Variants in GTPBP2 observed in about 807,000 individuals in gnomAD.
The protein encoded by GTPBP2 is GTP binding protein 2.
In GTPBP2, 32 loss-of-function variants were observed where a neutral mutation model predicts 63.0. The observed-to-expected ratio is 0.51, with a 90% CI of 0.38 to 0.68. The LOEUF is 0.68. GTPBP2 is among the 30% of genes least tolerant of loss of function. The pLI is 0.00. For missense variants in GTPBP2, 492 were observed against 796.9 expected (o/e 0.62, Z 4.61); for synonymous variants, 310 against 322.6 (o/e 0.96, Z 0.42).
intron 1 of GTPBP2, chr6:43,628,538 G>A (rs940468627): frequency 8.1e-6 from 8 of 981,660 alleles, no homozygotes; most frequent in Non-Finnish European, 9.7e-6. Flanking sequence ...CGAGTACTGT[G>A]TGTGTGTCCG....
chr6:43,630,922 A>AG (rs1315577863), upstream of GTPBP2, among the ~76,000 whole-genome samples: 4 of 151,462 alleles, frequency 2.6e-5, no homozygotes, highest in Admixed American at 1.3e-4. Context: ...AAAAAAAAAA[A>AG]AAAAAAAAAG....
In GTPBP2 at chr6:43,625,657, G is replaced by T; in HGVS notation, c.508-97C>A. 7.2e-7 allele frequency: 1 copy of T among 1,397,236 alleles called. No homozygotes were observed. Among genetic ancestry groups the T allele is most frequent in the Non-Finnish European group, 1.0e-6 (1 of 983,236 alleles). The allele number at this position is 1,397,236 out of a possible 1,614,324, so 86.6% of individuals were successfully genotyped here. On this transcript the variant is annotated intron_variant, in intron 4 of 11. Coordinates refer to ENST00000307126, the MANE Select transcript of GTPBP2 (RefSeq NM_019096.5). This position sits in a 1 kb window ranked among gnomAD's most constrained non-coding sequence, Gnocchi z 5.1. ...TGACGCTCCCTAGGGAGCAAGTGATGAACTGGAAGCCCCCAGGATCCCAGG... is the reference window on the plus strand; with the variant it reads ...TGACGCTCCCTAGGGAGCAAGTGATTAACTGGAAGCCCCCAGGATCCCAGG...
rs534118235 is a variant in GTPBP2 at position 43,622,848 on chromosome 6, C to T, written c.1296-44G>A. On this transcript the variant is annotated intron_variant, in intron 9 of 11. Coordinates refer to ENST00000307126, the MANE Select transcript of GTPBP2 (RefSeq NM_019096.5). This position sits in a 1 kb window ranked among gnomAD's most constrained non-coding sequence, Gnocchi z 5.4. ...GTGGCACAGTGTCAGCCAAGGTCCCCATACCTACTTCTCTATTAGGATCAC... is the reference window on the plus strand; with the variant it reads ...GTGGCACAGTGTCAGCCAAGGTCCCTATACCTACTTCTCTATTAGGATCAC... 2.5e-5 allele frequency: 37 copies of T among 1,463,738 alleles called. No individual in the cohort carries two copies. The African/African-American group carries it at 4.7e-4, about 19-fold the overall frequency. 90.7% of individuals were successfully genotyped at this position (1,463,738 alleles called of 1,614,324 possible). A position where few individuals can be genotyped will look rare whatever the true frequency, so the allele number is the denominator to read the frequency against.
intron 9 of GTPBP2, chr6:43,623,405 A>G (rs1481590191): frequency 2.4e-5 from 7 of 294,860 alleles, no homozygotes; most frequent in Non-Finnish European, 3.8e-5. Flanking sequence ...AAAGAAAGAA[A>G]GAAAGAAAGA....
In GTPBP2 at chr6:43,621,438, T is replaced by C. The variant is rs565385676; in HGVS notation, c.*176A>G. The C allele has an allele frequency of 6.1e-5, 95 of 1,545,896 alleles. No homozygotes were observed. In the African/African-American group the frequency reaches 1.2e-3, roughly 20 times the overall value. ...TGTCTTCTCCCTCAGGACTGCCCTTTCCTGGCCACACCAAGTTTGGCACCT... is the reference window on the plus strand; with the variant it reads ...TGTCTTCTCCCTCAGGACTGCCCTTCCCTGGCCACACCAAGTTTGGCACCT... On this transcript the variant is annotated 3_prime_UTR_variant, in exon 12 of 12. Transcript: ENST00000307126.
Position 43,626,216 on chromosome 6 carries a change from G to A in GTPBP2, c.398+10C>T. The A allele has an allele frequency of 1.2e-6, 2 of 1,612,084 alleles. No homozygotes were observed. Among genetic ancestry groups the A allele is most frequent in the East Asian group, 4.5e-5 (2 of 44,818 alleles). ...GGTAAAGGAGAACTGGTGGGGAAGG[G>A]GAAGCATACTTCTCTGCCATCCGGT... On this transcript the variant is annotated intron_variant, in intron 3 of 11. Coordinates refer to ENST00000307126, the MANE Select transcript of GTPBP2 (RefSeq NM_019096.5). This position sits in a 1 kb window ranked among gnomAD's most constrained non-coding sequence, Gnocchi z 4.0.
intron 9 of GTPBP2, chr6:43,623,211 T>G (rs1014340213): frequency 3.7e-5 from 7 of 187,960 alleles, no homozygotes; most frequent in African/African-American, 1.7e-4. Context: ...GCCAATATGG[T>G]GACGACCCCA....
chr6:43,623,907 T>A (rs1292483792), intron 8 of GTPBP2, 26 bp downstream of exon 8: 1 of 1,613,734 alleles, frequency 6.2e-7, no homozygotes, highest in African/African-American at 1.3e-5. Context: ...TTTCCCAGCC[T>A]ATTAGATGTT....
At position 43,621,988 on chromosome 6, in the gene GTPBP2, C is replaced by T. The variant is rs1169131259; in HGVS notation, c.1632+15G>A. On this transcript the variant is annotated intron_variant, in intron 11 of 11. Coordinates refer to ENST00000307126, the MANE Select transcript of GTPBP2 (RefSeq NM_019096.5). ...TTCTGACCTCTGGAGAAATGGAAGG[C>T]CAGGTCCCTCTCACCTTGGCATGGA... is the stretch of plus-strand genomic sequence containing the variant. 6.8e-6 allele frequency: 11 copies of T among 1,613,866 alleles called. No individual in the cohort carries two copies. The highest frequency in any genetic ancestry group is 7.6e-6 in the Non-Finnish European group (9 of 1,179,838).
rs984589402 is a variant in GTPBP2, at chr6:43,621,359, G to C, written c.*255C>G. On this transcript the variant is annotated 3_prime_UTR_variant, in exon 12 of 12. Coordinates refer to ENST00000307126, the MANE Select transcript of GTPBP2 (RefSeq NM_019096.5). ...CGGCAGACAGGCCACAGGGTTGCCA[G>C]GTTTGATGAGCCAACCAGGTGAGCA... 1.4e-6 allele frequency: 2 copies of C among 1,444,930 alleles called. No homozygotes were observed. The highest frequency in any genetic ancestry group is 2.8e-5 in the African/African-American group (2 of 70,994). 89.5% of individuals were successfully genotyped at this position (1,444,930 alleles called of 1,614,324 possible). A position where few individuals can be genotyped will look rare whatever the true frequency, so the allele number is the denominator to read the frequency against.
At position 43,625,586 on chromosome 6, in the gene GTPBP2, A is replaced by G. The variant is rs1379099509; in HGVS notation, c.508-26T>C. The G allele has an allele frequency of 1.3e-6, 2 of 1,579,106 alleles. No homozygotes were observed. The highest frequency in any genetic ancestry group is 1.7e-6 in the Non-Finnish European group (2 of 1,148,266). On this transcript the variant is annotated intron_variant, in intron 4 of 11. Transcript: ENST00000307126. The surrounding 1 kb of genome is among the most constrained non-coding windows in gnomAD (Gnocchi z 5.1). ...CTGTGGATGAATTGCCAGAGATAAG[A>G]ACTCCAATCTCTCACCCCTCTAACT... is the stretch of plus-strand genomic sequence containing the variant.
upstream of GTPBP2, chr6:43,629,913 C>T: frequency 9.4e-7 from 1 of 1,065,606 alleles, no homozygotes; most frequent in Non-Finnish European, 1.3e-6. Flanking sequence ...GTTTTAATAA[C>T]CGGAGGCACC....
upstream of GTPBP2, among the ~76,000 whole-genome samples, chr6:43,630,430 C>T (rs1052758448): frequency 2.0e-5 from 3 of 152,118 alleles, no homozygotes; most frequent in African/African-American, 7.2e-5. Context: ...GCGAGGTGCT[C>T]ATACACGGTC....
chr6:43,625,918 G>GAGCGAGCCTGGAATA lies in GTPBP2; in HGVS notation c.399-55_399-54insTATTCCAGGCTCGCT. Reference sequence around the variant, plus strand: ...TCTCACCTGTCCTTCTCCTATTCCAGGCTCGCTCTGGACCTACAGACTTCC... The same window carrying GAGCGAGCCTGGAATA: ...TCTCACCTGTCCTTCTCCTATTCCAGAGCGAGCCTGGAATAGCTCGCTCTGGACCTACAGACTTCC... On this transcript the variant is annotated intron_variant, in intron 3 of 11. Coordinates refer to ENST00000307126, the MANE Select transcript of GTPBP2 (RefSeq NM_019096.5). This position sits in a 1 kb window ranked among gnomAD's most constrained non-coding sequence, Gnocchi z 5.1. The GAGCGAGCCTGGAATA allele has an allele frequency of 2.1e-6, 3 of 1,401,278 alleles. No homozygotes were observed. Among genetic ancestry groups the GAGCGAGCCTGGAATA allele is most frequent in the Non-Finnish European group, 3.0e-6 (3 of 986,966 alleles). The allele number at this position is 1,401,278 out of a possible 1,614,324, so 86.8% of individuals were successfully genotyped here. A position where few individuals can be genotyped will look rare whatever the true frequency, so the allele number is the denominator to read the frequency against.
At chr6:43,623,050 T>A (rs1323190521) in intron 9 of GTPBP2, 2 of 503,914 alleles carry the variant, frequency 4.0e-6, no homozygotes, top group Non-Finnish European at 7.1e-6. Flanking sequence ...ACCGAACACC[T>A]AATCACTGAA....
chr6:43,628,995 G>C lies in GTPBP2; in HGVS notation c.168C>G (p.Pro56=). The change falls in exon 1 of 12, where the codon CCC becomes CCG. Residue 56 remains proline, a synonymous_variant. Transcript: ENST00000307126. ...TGCTCACCTCGGGGGGCAAATACGG[G>C]GGGTTGTTGGCTTTGCCCCCTCTGT... The part of the protein sequence containing the change: ...GRNRGGKANN[P]PYLPPEAEDG... The C allele has an allele frequency of 1.2e-6, 2 of 1,613,962 alleles. No homozygotes were observed. Among genetic ancestry groups the C allele is most frequent in the South Asian group, 2.2e-5 (2 of 91,062 alleles).
chr6:43,629,590 G>GT (rs1178209483), upstream of GTPBP2: 75 of 752,802 alleles, frequency 1.0e-4, no homozygotes, highest in African/African-American at 1.0e-3. Flanking sequence ...GGACACCAGC[G>GT]TAGAAGAGCT....
At chr6:43,627,770 T>C (rs1769491376) in intron 1 of GTPBP2, among the ~76,000 whole-genome samples, 1 of 152,242 alleles carries the variant, frequency 6.6e-6, no homozygotes, top group Admixed American at 6.5e-5. Flanking sequence ...TTAGTTTTCC[T>C]CTTCCCTTCC....
Position 43,621,882 on chromosome 6 carries a change from C to T in GTPBP2, c.1633-92G>A, listed in dbSNP as rs75939185. On this transcript the variant is annotated intron_variant, in intron 11 of 11. Transcript: ENST00000307126. ...CTCCACCCTCCAGAGGCCTATCAGG[C>T]CGCTACCCACCCTAAGTGGGGTTTT... 211 of 1,603,162 alleles carry T rather than the reference C, an allele frequency of 1.3e-4. 1 individual carries two copies. The African/African-American group carries it at 2.6e-3, about 19-fold the overall frequency.
Sources: allele counts gnomAD v4.1 joint callset (sites outside exome capture counted in the v4.1 genomes callset), GRCh38; gene constraint gnomAD v4.1.1; non-coding constraint Gnocchi (gnomAD v3.1); transcripts MANE v1.5; gene names NCBI Gene and HGNC (gene_info 2026-07-23, HGNC 2026-07-21).